LYRM4: variants seen among roughly 807,000 people sequenced by gnomAD.
The protein encoded by LYRM4 is LYR motif-containing protein 4.
In LYRM4, 9 loss-of-function variants were observed where a neutral mutation model predicts 11.7. The observed-to-expected ratio is 0.77, with a 90% confidence interval of 0.46 to 1.34. The LOEUF (loss-of-function observed/expected upper bound fraction) is 1.34, where lower values mean the gene tolerates loss of function less well. Ranked by LOEUF, LYRM4 falls within the 40% of genes most tolerant of loss-of-function variation. The probability of loss-of-function intolerance (pLI) is 0.00; values close to 1 mark genes in which losing one functional copy is unlikely to be tolerated. For missense variants in LYRM4, 133 were observed against 112.5 expected, an observed-to-expected ratio of 1.18 and a Z score of -0.82; for synonymous variants, 42 against 40.4, an observed-to-expected ratio of 1.04 and a Z score of -0.15.
intron 1 of LYRM4, among the ~76,000 whole-genome samples, chr6:5,239,064 G>A (rs1036635122): frequency 6.6e-6 from 1 of 152,234 alleles, no homozygotes; most frequent in Non-Finnish European, 1.5e-5. Flanking sequence ...GGTGGCAATA[G>A]GCAGGATGCC....
At chr6:5,064,516 C>T in the LYRM4 span, among the ~76,000 whole-genome samples, 18 of 152,278 alleles carry the variant, frequency 1.2e-4, no homozygotes, top group African/African-American at 4.3e-4. Flanking sequence ...GCTGATGAGA[C>T]ATTGATACAT....
chr6:5,084,466 C>G, the LYRM4 span: 1 of 152,070 alleles, frequency 6.6e-6, no homozygotes, highest in Admixed American at 6.5e-5. Flanking sequence ...GCGTGGGCGC[C>G]GGCCCCACGG....
At chr6:5,032,985 G>A in the LYRM4 span, 2 of 152,422 alleles carry the variant, frequency 1.3e-5, no homozygotes, top group African/African-American at 2.4e-5. Flanking sequence ...GCTTTACCCC[G>A]GCCCTCTGAT....
the LYRM4 span, chr6:5,066,618 G>T: frequency 8.3e-7 from 1 of 1,205,686 alleles, no homozygotes; most frequent in Non-Finnish European, 1.2e-6. Context: ...ACTTTCAAGG[G>T]CAACCACTTT....
At chr6:5,133,926 C>T (rs867852034) in intron 2 of LYRM4, among the ~76,000 whole-genome samples, 8 of 152,190 alleles carry the variant, frequency 5.3e-5, no homozygotes, top group Non-Finnish European at 1.0e-4. Flanking sequence ...GTTGTAAACA[C>T]GCATGAGTAC....
chr6:5,086,293 G>C, the LYRM4 span: 1 of 1,535,552 alleles, frequency 6.5e-7, no homozygotes, highest in Non-Finnish European at 8.7e-7. Flanking sequence ...GCTGCAGCCC[G>C]AGCCGCTGGA....
chr6:5,220,135 G>C (rs1762500677), intron 1 of LYRM4, among the ~76,000 whole-genome samples: 1 of 152,094 alleles, frequency 6.6e-6, no homozygotes, highest in Non-Finnish European at 1.5e-5. Flanking sequence ...TTTTACCATT[G>C]CAAGGATTAT....
At chr6:5,087,737 GC>G in the LYRM4 span, 1 of 152,596 alleles carries the variant, frequency 6.6e-6, no homozygotes, top group South Asian at 2.1e-4. Context: ...GGCCACCTCT[GC>G]AGGCCCGTTG....
At chr6:5,218,101 C>T in intron 1 of LYRM4, 1 of 370,194 alleles carries the variant, frequency 2.7e-6, no homozygotes, top group Non-Finnish European at 3.7e-6. Context: ...GGGATGGGGA[C>T]TTGCTGCGTT....
At chr6:5,186,209 G>A (rs982379892) in intron 2 of LYRM4, among the ~76,000 whole-genome samples, 2 of 152,254 alleles carry the variant, frequency 1.3e-5, no homozygotes, top group South Asian at 2.1e-4. Context: ...TTGAAAGCCC[G>A]GAAGCCAAAG....
At chr6:5,047,159 G>A in the LYRM4 span, among the ~76,000 whole-genome samples, 2 of 152,128 alleles carry the variant, frequency 1.3e-5, no homozygotes, top group African/African-American at 4.8e-5. Flanking sequence ...CACAGATTCA[G>A]GAAGGTATAA....
At chr6:5,119,794 CAAA>C (rs968606439) in intron 2 of LYRM4, among the ~76,000 whole-genome samples, 23 of 16,874 alleles carry the variant, frequency 1.4e-3, no homozygotes, top group South Asian at 4.4e-3. Context: ...GTCTCCATAA[CAAA>C]AAAAAAAAAA....
At chr6:5,113,540 G>A (rs1762982052) in intron 2 of LYRM4, 2 of 273,956 alleles carry the variant, frequency 7.3e-6, no homozygotes, top group South Asian at 3.1e-5. Context: ...ACCCTTGCAA[G>A]TTCAAGACTG....
chr6:5,170,603 C>A (rs151098179), intron 2 of LYRM4, among the ~76,000 whole-genome samples: 1 of 152,168 alleles, frequency 6.6e-6, no homozygotes, highest in South Asian at 2.1e-4. Flanking sequence ...CGTGTTCAAG[C>A]GATTCTTGTG....
the LYRM4 span, among the ~76,000 whole-genome samples, chr6:5,045,886 TGTCA>T: frequency 6.6e-6 from 1 of 152,194 alleles, no homozygotes; most frequent in South Asian, 2.1e-4. Context: ...TTACCTCTAT[TGTCA>T]GTATTTTTCT....
intron 2 of LYRM4, among the ~76,000 whole-genome samples, chr6:5,117,844 A>T (rs1426629248): frequency 6.6e-6 from 1 of 150,964 alleles, no homozygotes; most frequent in Non-Finnish European, 1.5e-5. Flanking sequence ...TAAATACTGC[A>T]CTCTAGTCTC....
chr6:5,240,987 T>G (rs891338301), intron 1 of LYRM4, among the ~76,000 whole-genome samples: 2 of 152,228 alleles, frequency 1.3e-5, no homozygotes, highest in Admixed American at 1.3e-4. Context: ...GGGAAAAACG[T>G]TGGCTTTGGA....
rs79626314 is a variant in LYRM4, at chr6:5,142,779, C to A, written c.208-33288G>T. 1.8e-3 allele frequency among the ~76,000 whole-genome samples: 271 copies of A among 152,274 alleles called. 1 individual carries two copies. The highest frequency in any genetic ancestry group is 6.0e-3 in the African/African-American group (251 of 41,540). On this transcript the variant is annotated intron_variant, in intron 2 of 2. Transcript: ENST00000330636. ...GGTGTAAACTGACAACGCTTTGGGA[C>A]TCACAGCCATGCCCAGATTTGAAGA...
At chr6:5,108,118 TG>T (rs1403447141), downstream of LYRM4, 7 of 152,280 alleles carry the variant, frequency 4.6e-5, no homozygotes, top group Admixed American at 3.3e-4. Context: ...TAAAAGCGAC[TG>T]GAAGACATGA....
Sources: allele counts gnomAD v4.1 joint callset (sites outside exome capture counted in the v4.1 genomes callset), GRCh38; gene constraint gnomAD v4.1.1; transcripts MANE v1.5; gene names NCBI Gene and HGNC (gene_info 2026-07-23, HGNC 2026-07-21).